The following POLN variants were observed in gnomAD, a reference collection of about 807,000 sequenced individuals.
The protein encoded by POLN is DNA polymerase N.
A neutral mutation model predicts 113.5 loss-of-function variants in POLN; 108 were observed. The ratio of observed to expected loss-of-function variants is 0.95; its 90% CI spans 0.81 to 1.12. The LOEUF is 1.12. POLN is among the 50% of genes most tolerant of loss of function. The pLI, the probability that POLN is intolerant of heterozygous loss-of-function variation, is 0.00. For synonymous variants in POLN, 386 were observed against 391.5 expected (o/e 0.99, Z 0.17); for missense variants, 1,097 against 1,077.1 (o/e 1.02, Z -0.26).
intron 19 of POLN, among the ~76,000 whole-genome samples, chr4:2,109,639 T>C (rs1731146118): frequency 6.6e-6 from 1 of 152,212 alleles, no homozygotes; most frequent in Non-Finnish European, 1.5e-5. Context: ...AATGTCCCTT[T>C]TTATCCAGCA....
At chr4:2,204,516 G>T (rs1053149114) in intron 5 of POLN, among the ~76,000 whole-genome samples, 2 of 152,160 alleles carry the variant, frequency 1.3e-5, no homozygotes, top group Admixed American at 1.3e-4. Flanking sequence ...GACATTCAAA[G>T]AAGAATCAGT....
chr4:2,163,518 C>T (rs1341745017), intron 13 of POLN, among the ~76,000 whole-genome samples: 3 of 152,262 alleles, frequency 2.0e-5, no homozygotes, highest in African/African-American at 4.8e-5. Flanking sequence ...TCTGCGCCGG[C>T]TGCAGACACC....
chr4:2,191,941 C>T (rs1044120798), intron 7 of POLN, among the ~76,000 whole-genome samples: 1 of 151,748 alleles, frequency 6.6e-6, no homozygotes, highest in African/African-American at 2.4e-5. Context: ...GGTGAAACCC[C>T]ATCTCTACTA....
intron 5 of POLN, among the ~76,000 whole-genome samples, chr4:2,199,205 T>C (rs1281939287): frequency 1.3e-5 from 2 of 152,122 alleles, no homozygotes; most frequent in African/African-American, 4.8e-5. Context: ...AAAAGTGAAA[T>C]ACTTAAGTAT....
chr4:2,116,348 G>GA lies in POLN; in HGVS notation c.1982+11764dup, dbSNP rs1434993533. Among the ~76,000 whole-genome samples the GA allele has an allele frequency of 3.9e-5, 6 of 152,256 alleles. No individual in the cohort carries two copies. In the East Asian group the frequency reaches 7.7e-4, roughly 20 times the overall value. On this transcript the variant is annotated intron_variant, in intron 19 of 25. Transcript: ENST00000511885. ...TCATCCTCTCCTTCCCTAGGCATGA[G>GA]AAAATCCATGGTTTTTTCTTTTCTA...
chr4:2,159,956 T>C (rs1057115962), intron 13 of POLN, among the ~76,000 whole-genome samples: 52 of 152,246 alleles, frequency 3.4e-4, no homozygotes, highest in African/African-American at 1.2e-3. Context: ...AGATTTTTGT[T>C]AATGTATGTT....
At chr4:2,212,834 C>T (rs565138262) in intron 4 of POLN, among the ~76,000 whole-genome samples, 60 of 152,156 alleles carry the variant, frequency 3.9e-4, no homozygotes, top group African/African-American at 1.4e-3. Flanking sequence ...TCCTATTGTC[C>T]CCAGAGCACT....
chr4:2,209,197 T>C (rs547856259), intron 4 of POLN, among the ~76,000 whole-genome samples: 2 of 152,054 alleles, frequency 1.3e-5, no homozygotes, highest in South Asian at 2.1e-4. Flanking sequence ...AAAAATGTTT[T>C]TGGGCCAGGT....
At chr4:2,217,309 T>A (rs1239474174) in intron 3 of POLN, among the ~76,000 whole-genome samples, 1 of 152,232 alleles carries the variant, frequency 6.6e-6, no homozygotes, top group Non-Finnish European at 1.5e-5. Flanking sequence ...TAAATCAGGC[T>A]GTTCAGAGCC....
intron 16 of POLN, among the ~76,000 whole-genome samples, chr4:2,145,522 T>A (rs919581158): frequency 6.6e-6 from 1 of 151,946 alleles, no homozygotes; most frequent in East Asian, 1.9e-4. Flanking sequence ...ATTGAAAAAA[T>A]TCAAATGACA....
intron 17 of POLN, 81 bp downstream of exon 17, chr4:2,131,151 CT>C: frequency 2.9e-6 from 3 of 1,031,642 alleles, no homozygotes; most frequent in South Asian, 2.9e-5. Context: ...CACAAATGCA[CT>C]CTAGCCTGGG....
chr4:2,169,784 C>T (rs539052006), intron 13 of POLN, among the ~76,000 whole-genome samples: 3 of 152,304 alleles, frequency 2.0e-5, no homozygotes, highest in Admixed American at 6.5e-5. Context: ...GGAAGGAGGA[C>T]GGGCCCTTCA....
chr4:2,138,116 C>A (rs1731905956), intron 16 of POLN, among the ~76,000 whole-genome samples: 1 of 152,216 alleles, frequency 6.6e-6, no homozygotes, highest in Non-Finnish European at 1.5e-5. Context: ...GGATTATAGG[C>A]ATGAGCCACT....
intron 13 of POLN, among the ~76,000 whole-genome samples, chr4:2,165,373 C>T (rs1477736955): frequency 6.6e-6 from 1 of 152,034 alleles, no homozygotes; most frequent in Non-Finnish European, 1.5e-5. Context: ...CTGGAAAAGG[C>T]AAAACTGTGG....
chr4:2,186,081 G>C (rs889210297), intron 7 of POLN, among the ~76,000 whole-genome samples: 2 of 152,180 alleles, frequency 1.3e-5, no homozygotes, highest in Non-Finnish European at 2.9e-5. Context: ...ACTCCATGCA[G>C]ACAGTAAGAG....
At chr4:2,202,254 A>G (rs1176606407) in intron 5 of POLN, among the ~76,000 whole-genome samples, 1 of 152,234 alleles carries the variant, frequency 6.6e-6, no homozygotes, top group Non-Finnish European at 1.5e-5. Context: ...AGAATTGCAG[A>G]ATGGATAAGA....
At chr4:2,150,594 C>T (rs1577724148) in intron 16 of POLN, among the ~76,000 whole-genome samples, 1 of 151,920 alleles carries the variant, frequency 6.6e-6, no homozygotes, top group Non-Finnish European at 1.5e-5. Flanking sequence ...AAACCTTACT[C>T]GAAAGCTACA....
At chr4:2,136,796 G>C (rs1731868821) in intron 16 of POLN, among the ~76,000 whole-genome samples, 1 of 152,244 alleles carries the variant, frequency 6.6e-6, no homozygotes, top group Non-Finnish European at 1.5e-5. Flanking sequence ...TGCCAAACTG[G>C]GGAGGTGGTG....
chr4:2,220,293 A>C (rs61792599), intron 3 of POLN, among the ~76,000 whole-genome samples: 13,089 of 152,154 alleles, frequency 0.086, 873 homozygotes, highest in African/African-American at 0.18. Flanking sequence ...TAACCAGTGT[A>C]CTAGACACCC....
Sources: allele counts gnomAD v4.1 joint callset (sites outside exome capture counted in the v4.1 genomes callset), GRCh38; gene constraint gnomAD v4.1.1; transcripts MANE v1.5; gene names NCBI Gene and HGNC (gene_info 2026-07-23, HGNC 2026-07-21).